DSC1: variants seen among roughly 807,000 people sequenced by gnomAD.
DSC1 encodes the protein desmocollin 1.
A neutral mutation model predicts 98.8 loss-of-function variants in DSC1; 79 were observed. The observed-to-expected ratio is 0.80, with a 90% CI of 0.67 to 0.96. DSC1 has a LOEUF of 0.96. DSC1 is among the 50% of genes least tolerant of loss of function. The pLI, the probability that DSC1 is intolerant of heterozygous loss-of-function variation, is 0.00. For synonymous variants in DSC1, 405 were observed against 372.1 expected, an observed-to-expected ratio of 1.09 and a Z score of -1.02; for missense variants, 1,115 against 1,075.9, an observed-to-expected ratio of 1.04 and a Z score of -0.51.
chr18:31,153,331 A>T (rs1989036130), intron 5 of DSC1, among the ~76,000 whole-genome samples: 1 of 152,204 alleles, frequency 6.6e-6, no homozygotes, highest in African/African-American at 2.4e-5. Flanking sequence ...TAAAAGCAGC[A>T]GAGAACTTAC....
intron 5 of DSC1, among the ~76,000 whole-genome samples, chr18:31,150,205 C>CACCACCACCATCACCACCACT (rs1988940244): frequency 6.8e-6 from 1 of 147,018 alleles, no homozygotes; most frequent in Non-Finnish European, 1.5e-5. Context: ...TCATCACCAC[C>CACCACCACCATCACCACCACT]ACCACCACCA....
intron 11 of DSC1, among the ~76,000 whole-genome samples, chr18:31,137,965 A>ATGTATG (rs1228506516): frequency 5.4e-4 from 76 of 141,630 alleles, no homozygotes; most frequent in African/African-American, 1.9e-3. Context: ...TCAGAGCAAA[A>ATGTATG]TGTGTGTGTG....
rs1222392646 is a variant in DSC1, at chr18:31,129,955, A to G, written c.*559T>C. 1 of 152,932 alleles carries G rather than the reference A, an allele frequency of 6.5e-6. No individual in the cohort carries two copies. The highest frequency in any genetic ancestry group is 1.5e-5 in the Non-Finnish European group (1 of 68,622). The allele number at this position is 152,932 out of a possible 1,614,324, so 9.5% of individuals were successfully genotyped here. ...GATCCTGAAAGAAAACAATGCTGGG[A>G]GCACTGCTCTGAGGAGTACAAAAGT... is the stretch of plus-strand genomic sequence containing the variant. On this transcript the variant is annotated 3_prime_UTR_variant, in exon 16 of 16. Coordinates refer to ENST00000257198, the MANE Select transcript of DSC1 (RefSeq NM_024421.2).
Position 31,148,592 on chromosome 18 carries a change from G to T in DSC1, c.678C>A (p.Leu226=). 1 of 1,610,726 alleles carries T rather than the reference G, an allele frequency of 6.2e-7. No individual in the cohort carries two copies. The highest frequency in any genetic ancestry group is 8.5e-7 in the Non-Finnish European group (1 of 1,177,602). ...TADGYAPEYP[L]PLIIKIEDDN... ...CATCTTCAATTTTGATGATCAAAGG[G>T]AGTGGATATTCTGGTGCATAGCCAT... Residue 226 remains leucine (L), a synonymous_variant, in exon 6 of 16, where the codon CTC becomes CTA. Transcript: ENST00000257198.
chr18:31,153,349 T>C (rs942353069), intron 5 of DSC1, among the ~76,000 whole-genome samples: 2 of 152,176 alleles, frequency 1.3e-5, no homozygotes, highest in Admixed American at 1.3e-4. Context: ...TACTATCAAT[T>C]ATTTATTTGT....
intron 3 of DSC1, among the ~76,000 whole-genome samples, chr18:31,156,574 A>T (rs1048675679): frequency 6.6e-6 from 1 of 152,242 alleles, no homozygotes; most frequent in Non-Finnish European, 1.5e-5. Flanking sequence ...GCATTTGCTC[A>T]AGTATACTTG....
intron 5 of DSC1, among the ~76,000 whole-genome samples, chr18:31,149,790 T>G (rs1310185873): frequency 6.6e-6 from 1 of 152,158 alleles, no homozygotes; most frequent in Non-Finnish European, 1.5e-5. Flanking sequence ...AAGGAAAGAA[T>G]GTACACTCCA....
intron 11 of DSC1, among the ~76,000 whole-genome samples, chr18:31,137,182 T>TTTGTTTTTAA (rs1302374727): frequency 6.6e-6 from 1 of 152,116 alleles, no homozygotes; most frequent in Non-Finnish European, 1.5e-5. Flanking sequence ...AAGATTTAAA[T>TTTGTTTTTAA]TTTTAATTAT....
chr18:31,156,219 G>T (rs1048661013), intron 3 of DSC1, 57 bp from the exon 4 acceptor site: 3 of 1,584,996 alleles, frequency 1.9e-6, no homozygotes, highest in Admixed American at 3.7e-5. Flanking sequence ...TTGGAACTGT[G>T]ATTATTTTAC....
At chr18:31,141,565 G>A (rs1026425725) in intron 9 of DSC1, among the ~76,000 whole-genome samples, 2 of 152,192 alleles carry the variant, frequency 1.3e-5, no homozygotes, top group Non-Finnish European at 2.9e-5. Flanking sequence ...TAGTTCAATA[G>A]TCTCTTTTAC....
chr18:31,143,013 G>A lies in DSC1; in HGVS notation c.1074+644C>T, dbSNP rs146270595. ...GCAGGTTTTTCCTTCTTTGACTTGT[G>A]CTCTGGAATAAGTTAATGAAAAAAT... On this transcript the variant is annotated intron_variant, in intron 8 of 15. Coordinates refer to ENST00000257198, the MANE Select transcript of DSC1 (RefSeq NM_024421.2). Among the ~76,000 whole-genome samples, 732 of 151,874 alleles carry A rather than the reference G, an allele frequency of 4.8e-3. 3 individuals carry two copies. The highest frequency in any genetic ancestry group is 0.017 in the African/African-American group (700 of 41,384).
Position 31,162,670 on chromosome 18 carries a change from C to T in DSC1, c.-76G>A, listed in dbSNP as rs1167759538. The T allele has an allele frequency of 9.7e-6, 13 of 1,337,532 alleles. No homozygotes were observed. Among genetic ancestry groups the T allele is most frequent in the African/African-American group, 4.3e-5 (3 of 69,400 alleles). The allele number at this position is 1,337,532 out of a possible 1,614,324, so 82.9% of individuals were successfully genotyped here. ...GGGATGCACAGAGCGGCTAAGAAGA[C>T]GCTGGCACTTGCACAGGGTATTCTG... On this transcript the variant is annotated 5_prime_UTR_variant, in exon 1 of 16. Coordinates refer to ENST00000257198, the MANE Select transcript of DSC1 (RefSeq NM_024421.2).
chr18:31,131,295 T>C (rs1414413255), intron 15 of DSC1, among the ~76,000 whole-genome samples: 1 of 152,224 alleles, frequency 6.6e-6, no homozygotes, highest in Admixed American at 6.5e-5. Context: ...TAATAAATAT[T>C]TCACTCCAGC....
At position 31,140,022 on chromosome 18, in the gene DSC1, C is replaced by A; in HGVS notation, c.1520+20G>T. Reference sequence around the variant, plus strand: ...TTACATCACAATTAAAATTAAGGAGCTTTTTGAAAAGTACATCACCTTAAG... The same window carrying A: ...TTACATCACAATTAAAATTAAGGAGATTTTTGAAAAGTACATCACCTTAAG... On this transcript the variant is annotated intron_variant, in intron 10 of 15. Transcript: ENST00000257198. 6.3e-7 allele frequency: 1 copy of A among 1,584,484 alleles called. No homozygotes were observed. Among genetic ancestry groups the A allele is most frequent in the South Asian group, 1.2e-5 (1 of 86,232 alleles).
rs552029840 is a variant in DSC1 at position 31,136,250 on chromosome 18, A to G, written c.1664-1466T>C. Among the ~76,000 whole-genome samples, 65 of 152,248 alleles carry G rather than the reference A, an allele frequency of 4.3e-4. 1 individual carries two copies. The highest frequency in any genetic ancestry group is 7.1e-3 in the Middle Eastern group (2 of 282). On this transcript the variant is annotated intron_variant, in intron 11 of 15. Transcript: ENST00000257198. The stretch of plus-strand genomic sequence containing the variant: ...GCAAACTAAGAAATGAATAATATGA[A>G]AAAGAGGCCTTATAAAGTAAAAAAT...
chr18:31,137,691 C>T (rs1055677523), intron 11 of DSC1, among the ~76,000 whole-genome samples: 2 of 152,098 alleles, frequency 1.3e-5, no homozygotes, highest in African/African-American at 4.8e-5. Flanking sequence ...ATCCCCAGTT[C>T]AAAAGGTATT....
At chr18:31,156,511 A>G (rs1989101489) in intron 3 of DSC1, among the ~76,000 whole-genome samples, 1 of 152,250 alleles carries the variant, frequency 6.6e-6, no homozygotes, top group Admixed American at 6.5e-5. Flanking sequence ...AAAATCTGTT[A>G]AAACCCTCAC....
chr18:31,136,833 G>A (rs1047760618), intron 11 of DSC1, among the ~76,000 whole-genome samples: 1 of 152,166 alleles, frequency 6.6e-6, no homozygotes, highest in Non-Finnish European at 1.5e-5. Context: ...AAAATTACAA[G>A]AGGTTGATGG....
rs1567998418 is a variant in DSC1 at position 31,140,025 on chromosome 18, T to A, written c.1520+17A>T. 8 of 1,585,866 alleles carry A rather than the reference T, an allele frequency of 5.0e-6. No individual in the cohort carries two copies. In the East Asian group the frequency reaches 1.8e-4, roughly 36 times the overall value. On this transcript the variant is annotated intron_variant, in intron 10 of 15. Transcript: ENST00000257198. The stretch of plus-strand genomic sequence containing the variant: ...CATCACAATTAAAATTAAGGAGCTT[T>A]TTGAAAAGTACATCACCTTAAGCCT...
Sources: gnomAD v4.1 joint callset for allele counts (sites outside exome capture counted in the v4.1 genomes callset) on GRCh38, gnomAD v4.1.1 for gene constraint, MANE v1.5 for transcripts, NCBI Gene and HGNC (gene_info 2026-07-23, HGNC 2026-07-21) for gene names.